The following VWA8 variants were observed in gnomAD, a reference collection of about 807,000 sequenced individuals.
The protein encoded by VWA8 is von Willebrand factor A domain containing 8.
VWA8 carries 221 observed loss-of-function variants against 241.5 expected under a neutral mutation model. That is an observed-to-expected ratio of 0.91 (90% confidence interval 0.82 to 1.02). VWA8 has a LOEUF of 1.02. Among genes scored for constraint, VWA8 ranks in the 50% least tolerant of loss-of-function variants. The probability of loss-of-function intolerance (pLI) is 0.00; values close to 1 mark genes in which losing one functional copy is unlikely to be tolerated. For missense variants in VWA8, 2,322 were observed against 2,328.7 expected (o/e 1.00, Z 0.06); for synonymous variants, 852 against 827.1 (o/e 1.03, Z -0.52).
At chr13:41,920,615 C>T (rs1211710173) in intron 2 of VWA8, among the ~76,000 whole-genome samples, 11 of 151,984 alleles carry the variant, frequency 7.2e-5, no homozygotes, top group Admixed American at 2.6e-4. Flanking sequence ...ATATTACCAC[C>T]GATCCCACAG....
intron 24 of VWA8, 60 bp from the exon 25 acceptor site, chr13:41,721,635 A>C: frequency 1.3e-6 from 2 of 1,523,404 alleles, no homozygotes; most frequent in Non-Finnish European, 1.8e-6. Context: ...TGTCACAGGA[A>C]AAAATGGAAT....
intron 35 of VWA8, among the ~76,000 whole-genome samples, chr13:41,679,074 T>C (rs1457287705): frequency 6.6e-6 from 1 of 152,204 alleles, no homozygotes; most frequent in Non-Finnish European, 1.5e-5. Flanking sequence ...CCATCCATTT[T>C]AAACGTTTTA....
chr13:41,881,881 C>G (rs1433384071), intron 9 of VWA8, among the ~76,000 whole-genome samples: 1 of 144,000 alleles, frequency 6.9e-6, no homozygotes, highest in Non-Finnish European at 1.5e-5. Context: ...CCCTCCCGGA[C>G]GGGGCGGCTG....
intron 23 of VWA8, among the ~76,000 whole-genome samples, 159 bp from the exon 24 acceptor site, chr13:41,727,472 T>G (rs565668797): frequency 6.6e-6 from 1 of 152,298 alleles, no homozygotes; most frequent in East Asian, 1.9e-4. Context: ...AAAAACTTTC[T>G]TGAAAAAATT....
Position 41,605,257 on chromosome 13 carries a change from T to C in VWA8, c.4897A>G (p.Ser1633Gly). 1 of 1,612,964 alleles carries C rather than the reference T, an allele frequency of 6.2e-7. No homozygotes were observed. Among genetic ancestry groups the C allele is most frequent in the Non-Finnish European group, 8.5e-7 (1 of 1,179,228 alleles). ...FQQRLKEIQMSEYDAATYERF... is the reference protein window; with the variant it reads ...FQQRLKEIQMGEYDAATYERF... ...TCATAGGTTGCAGCATCGTATTCAC[T>C]CATTTGGATCTCCTTTAGCCTGAAA... The change falls in exon 40 of 45, where the codon AGT (serine) becomes GGT (glycine). Residue 1633 changes from serine (S) to glycine (G), a missense_variant. Coordinates refer to ENST00000379310, the MANE Select transcript of VWA8 (RefSeq NM_015058.2).
intron 2 of VWA8, among the ~76,000 whole-genome samples, chr13:41,946,545 T>C (rs1202488413): frequency 2.0e-5 from 3 of 152,102 alleles, no homozygotes; most frequent in African/African-American, 4.8e-5. Context: ...CAGAGCTACA[T>C]TGGAGTAGTT....
intron 37 of VWA8, among the ~76,000 whole-genome samples, chr13:41,668,174 T>A (rs1219946666): frequency 1.3e-5 from 2 of 152,184 alleles, no homozygotes; most frequent in Non-Finnish European, 2.9e-5. Flanking sequence ...TCAGGAGGCA[T>A]GGGGATCTTT....
In VWA8 at chr13:41,892,733, C is replaced by A. The variant is rs563294640; in HGVS notation, c.484-1146G>T. On this transcript the variant is annotated intron_variant, in intron 4 of 44. Coordinates refer to ENST00000379310, the MANE Select transcript of VWA8 (RefSeq NM_015058.2). Reference sequence around the variant, plus strand: ...CTGAAAATATCCTATTTTCTCCAAACCTGCTTCTCTTCTTTATTTTCTATC... The same window carrying A: ...CTGAAAATATCCTATTTTCTCCAAAACTGCTTCTCTTCTTTATTTTCTATC... 5.3e-5 allele frequency among the ~76,000 whole-genome samples: 8 copies of A among 152,276 alleles called. No individual in the cohort carries two copies. In the South Asian group the frequency reaches 1.7e-3, roughly 32 times the overall value.
chr13:41,847,585 C>A (rs957564953), intron 12 of VWA8, among the ~76,000 whole-genome samples: 18 of 152,156 alleles, frequency 1.2e-4, no homozygotes, highest in Non-Finnish European at 2.2e-4. Flanking sequence ...TGGTTCTCAA[C>A]CCTGGCTGCT....
intron 37 of VWA8, among the ~76,000 whole-genome samples, chr13:41,668,976 A>AT (rs199901859): frequency 0.019 from 2,914 of 150,992 alleles, 32 homozygotes; most frequent in South Asian, 0.058. Context: ...GCTTTATTTT[A>AT]TTTTTTTTTA....
chr13:41,799,942 C>T (rs1196583666), intron 17 of VWA8, among the ~76,000 whole-genome samples: 1 of 152,144 alleles, frequency 6.6e-6, no homozygotes, highest in Admixed American at 6.6e-5. Flanking sequence ...TCCCTTTCTA[C>T]CCCCAAGTCT....
chr13:41,920,624 A>G (rs548862881), intron 2 of VWA8, among the ~76,000 whole-genome samples: 7 of 152,350 alleles, frequency 4.6e-5, no homozygotes, highest in African/African-American at 1.7e-4. Context: ...CCGATCCCAC[A>G]GAAATACAAA....
chr13:41,631,799 G>T (rs748930355), intron 37 of VWA8, among the ~76,000 whole-genome samples: 3 of 152,132 alleles, frequency 2.0e-5, no homozygotes, highest in Non-Finnish European at 4.4e-5. Flanking sequence ...GTGTGTAGGT[G>T]AGTGTCAAAA....
chr13:41,675,184 C>T (rs1446797104), intron 36 of VWA8, 31 bp downstream of exon 36: 12 of 1,535,046 alleles, frequency 7.8e-6, no homozygotes, highest in African/African-American at 5.5e-5. Context: ...TTATGACATA[C>T]TAAGCTAAGA....
intron 37 of VWA8, among the ~76,000 whole-genome samples, chr13:41,645,690 T>A (rs114079020): frequency 6.6e-6 from 1 of 152,162 alleles, no homozygotes; most frequent in East Asian, 1.9e-4. Flanking sequence ...GAGAAATGGA[T>A]ACCTTAAAAA....
At chr13:41,787,587 A>C (rs1869260240) in intron 17 of VWA8, 44 bp from the exon 18 acceptor site, 3 of 1,224,764 alleles carry the variant, frequency 2.4e-6, no homozygotes, top group Non-Finnish European at 3.6e-6. Context: ...CTTAAGTCAA[A>C]GCTTTCTGCG....
intron 1 of VWA8, among the ~76,000 whole-genome samples, 186 bp downstream of exon 1, chr13:41,960,667 C>T (rs1391644815): frequency 6.6e-6 from 1 of 152,226 alleles, no homozygotes; most frequent in Non-Finnish European, 1.5e-5. Flanking sequence ...AGGGCGAGCG[C>T]CTTGCCCCCA....
At chr13:41,695,486 G>T (rs918968639) in intron 29 of VWA8, among the ~76,000 whole-genome samples, 2 of 152,080 alleles carry the variant, frequency 1.3e-5, no homozygotes, top group African/African-American at 2.4e-5. Flanking sequence ...GGAATTGATG[G>T]CAGTCTACTT....
intron 2 of VWA8, among the ~76,000 whole-genome samples, chr13:41,937,445 T>C (rs963397209): frequency 2.5e-4 from 38 of 152,132 alleles, no homozygotes; most frequent in South Asian, 1.9e-3. Context: ...CCTAGATCCA[T>C]TGTATGCACA....
Sources: gnomAD v4.1 joint callset for allele counts (sites outside exome capture counted in the v4.1 genomes callset) on GRCh38, gnomAD v4.1.1 for gene constraint, MANE v1.5 for transcripts, NCBI Gene and HGNC (gene_info 2026-07-23, HGNC 2026-07-21) for gene names.